Variants in TADA2A observed in about 807,000 individuals in gnomAD.
TADA2A encodes transcriptional adapter 2-alpha.
In TADA2A, 38 loss-of-function variants were observed where a neutral mutation model predicts 67.4. The ratio of observed to expected loss-of-function variants is 0.56; its 90% confidence interval spans 0.44 to 0.74. The LOEUF (loss-of-function observed/expected upper bound fraction) is 0.74, where lower values mean the gene tolerates loss of function less well. Ranked by LOEUF, TADA2A falls within the 30% of genes least tolerant of loss-of-function variation. The pLI is 0.00. For synonymous variants in TADA2A, 192 were observed against 181.6 expected (o/e 1.06, Z -0.46); for missense variants, 454 against 547.0 (o/e 0.83, Z 1.70).
intron 8 of TADA2A, among the ~76,000 whole-genome samples, chr17:37,453,503 A>G (rs2148002049): frequency 6.6e-6 from 1 of 152,298 alleles, no homozygotes; most frequent in Non-Finnish European, 1.5e-5. Flanking sequence ...GAGCTAGAAC[A>G]GGCAGAAGGG....
intron 8 of TADA2A, among the ~76,000 whole-genome samples, chr17:37,449,017 G>GT (rs11321678): frequency 2.3e-4 from 34 of 147,232 alleles, no homozygotes; most frequent in South Asian, 6.4e-4. Context: ...TGATTTCACT[G>GT]TTTTTTTTTT....
At chr17:37,467,144 C>G (rs2053681628) in intron 11 of TADA2A, among the ~76,000 whole-genome samples, 1 of 151,998 alleles carries the variant, frequency 6.6e-6, no homozygotes, top group Non-Finnish European at 1.5e-5. Context: ...CAGAGCGAGA[C>G]TCTGTCTCAA....
At chr17:37,433,944 A>G (rs1315916157) in intron 4 of TADA2A, among the ~76,000 whole-genome samples, 1 of 150,852 alleles carries the variant, frequency 6.6e-6, no homozygotes, top group African/African-American at 2.5e-5. Flanking sequence ...ATGGAGCAAG[A>G]CTTGGTCTCA....
chr17:37,468,233 T>C (rs547579811), intron 12 of TADA2A, among the ~76,000 whole-genome samples: 1 of 152,318 alleles, frequency 6.6e-6, no homozygotes, highest in South Asian at 2.1e-4. Flanking sequence ...ATAATTATAT[T>C]ATTAGCAGCT....
At chr17:37,442,979 G>A (rs1180603156) in intron 7 of TADA2A, among the ~76,000 whole-genome samples, 12 of 152,176 alleles carry the variant, frequency 7.9e-5, no homozygotes, top group African/African-American at 2.9e-4. Flanking sequence ...CCTGGGCAAC[G>A]TAGTGAGACC....
intron 10 of TADA2A, among the ~76,000 whole-genome samples, chr17:37,464,838 CAAAA>C (rs35664546): frequency 8.4e-6 from 1 of 119,484 alleles, no homozygotes; most frequent in Non-Finnish European, 1.7e-5. Flanking sequence ...GACTCCATCT[CAAAA>C]AAAAAAAAAA....
At chr17:37,408,897 T>A (rs1235164444) in intron 1 of TADA2A, among the ~76,000 whole-genome samples, 1 of 152,148 alleles carries the variant, frequency 6.6e-6, no homozygotes, top group African/African-American at 2.4e-5. Context: ...CCACACTTAG[T>A]GATGAATTAT....
intron 9 of TADA2A, among the ~76,000 whole-genome samples, chr17:37,459,634 C>T (rs1041033971): frequency 2.6e-5 from 4 of 151,126 alleles, no homozygotes; most frequent in African/African-American, 7.3e-5. Flanking sequence ...ACTCTGTCAC[C>T]CAGGCTGGAG....
At chr17:37,408,215 A>C (rs1292013465) in intron 1 of TADA2A, among the ~76,000 whole-genome samples, 2 of 151,552 alleles carry the variant, frequency 1.3e-5, no homozygotes, top group Admixed American at 1.3e-4. Context: ...AGTGTTGATC[A>C]GTCCCTATTG....
intron 8 of TADA2A, among the ~76,000 whole-genome samples, chr17:37,446,150 A>G (rs1264499919): frequency 1.4e-5 from 2 of 145,718 alleles, no homozygotes; most frequent in Non-Finnish European, 3.0e-5. Context: ...TTTCTCCCAC[A>G]CAACTTTAAG....
Position 37,467,434 on chromosome 17 carries a change from A to G in TADA2A, c.824-20A>G, listed in dbSNP as rs749438913. The G allele has an allele frequency of 6.2e-7, 1 of 1,609,174 alleles. No homozygotes were observed. ...TTTTGTTTTTGTAATTTTTTCCTTC[A>G]TTCCTTTTGGGGAAAACAGTGGAAT... On this transcript the variant is annotated intron_variant, in intron 11 of 15. Transcript: ENST00000615182.
chr17:37,419,155 C>G lies in TADA2A; in HGVS notation c.26-4354C>G, dbSNP rs1373131078. Among the ~76,000 whole-genome samples the G allele has an allele frequency of 1.4e-5, 2 of 145,968 alleles. 1 individual carries two copies. The highest frequency in any genetic ancestry group is 4.3e-4 in the East Asian group (2 of 4,610). On this transcript the variant is annotated intron_variant, in intron 2 of 15. Transcript: ENST00000615182. The stretch of plus-strand genomic sequence containing the variant: ...TTTAGTCTGGAATGTTAAGAACTTA[C>G]TTTTACAAAGTAATTGCTTTTTTTT...
In TADA2A at chr17:37,440,530, A is replaced by T. The variant is rs760559082; in HGVS notation, c.310A>T (p.Thr104Ser). ...GCAGGATGTAGCCAATCAAATGTGC[A>T]CCAAGACCAAGGAGGAGTGTGAGAA... ...NWQDVANQMC[T>S]KTKEECEKHY... Residue 104 changes from threonine to serine, a missense_variant, in exon 6 of 16, where the codon ACC (threonine) becomes TCC (serine). Around this residue, in one of 2 missense-constraint regions of TADA2A, gnomAD observed 403 missense variants for 455.5 expected, o/e 0.88. Coordinates refer to ENST00000615182, the MANE Select transcript of TADA2A (RefSeq NM_001166105.3). 4 of 1,614,060 alleles carry T rather than the reference A, an allele frequency of 2.5e-6. No homozygotes were observed. Among genetic ancestry groups the T allele is most frequent in the Non-Finnish European group, 3.4e-6 (4 of 1,180,022 alleles).
At chr17:37,429,690 G>A (rs1298741314) in intron 4 of TADA2A, among the ~76,000 whole-genome samples, 2 of 152,140 alleles carry the variant, frequency 1.3e-5, no homozygotes, top group African/African-American at 4.8e-5. Context: ...ACTATTGGTG[G>A]AGTCCTATTA....
intron 5 of TADA2A, among the ~76,000 whole-genome samples, chr17:37,440,017 C>T (rs1487751295): frequency 6.7e-6 from 1 of 149,906 alleles, no homozygotes; most frequent in Admixed American, 6.7e-5. Flanking sequence ...GATCTCTGCT[C>T]ACTGCAACCT....
At chr17:37,457,600 G>A (rs759906448) in intron 8 of TADA2A, among the ~76,000 whole-genome samples, 1 of 138,006 alleles carries the variant, frequency 7.2e-6, no homozygotes, top group Admixed American at 7.9e-5. Flanking sequence ...GGCTTTGAAC[G>A]ATTCTCCCAC....
intron 14 of TADA2A, 93 bp from the exon 15 acceptor site, chr17:37,474,463 A>C: frequency 8.3e-7 from 1 of 1,203,076 alleles, no homozygotes; most frequent in Non-Finnish European, 1.2e-6. Flanking sequence ...TCCTATACCT[A>C]ACTGGCCTGG....
chr17:37,428,009 A>T (rs562270685), intron 4 of TADA2A, among the ~76,000 whole-genome samples: 10 of 152,156 alleles, frequency 6.6e-5, no homozygotes, highest in Admixed American at 4.6e-4. Context: ...TTTGTCAGTT[A>T]TCAGAACATA....
chr17:37,442,198 C>CTTTTTTTTTT (rs760306260), intron 6 of TADA2A, among the ~76,000 whole-genome samples: 3 of 75,410 alleles, frequency 4.0e-5, no homozygotes, highest in Middle Eastern at 7.7e-3. Context: ...TTTTTCCCGT[C>CTTTTTTTTTT]TTTTTTTTTT....
Sources: allele counts gnomAD v4.1 joint callset (sites outside exome capture counted in the v4.1 genomes callset), GRCh38; gene constraint gnomAD v4.1.1; regional missense constraint gnomAD v4.1.1; transcripts MANE v1.5; gene names NCBI Gene and HGNC (gene_info 2026-07-23, HGNC 2026-07-21).